Variants in NEBL observed in about 807,000 individuals in gnomAD.
NEBL encodes LIM and SH3 protein 2.
Under a neutral mutation model 140.2 loss-of-function variants are expected in NEBL, and 122 were observed. That is an observed-to-expected ratio of 0.87 (90% confidence interval 0.75 to 1.01). NEBL has a LOEUF of 1.01. Ranked by LOEUF, NEBL falls within the 50% of genes least tolerant of loss-of-function variation. The pLI is 0.00. For synonymous variants in NEBL, 436 were observed against 398.9 expected (o/e 1.09, Z -1.11); for missense variants, 1,365 against 1,231.3 (o/e 1.11, Z -1.62).
At chr10:20,928,474 G>A (rs1471976578) in intron 4 of NEBL, among the ~76,000 whole-genome samples, 1 of 152,184 alleles carries the variant, frequency 6.6e-6, no homozygotes, top group Admixed American at 6.5e-5. Context: ...GACTGGAGAT[G>A]TGCAGAAACA....
At chr10:20,853,028 T>C (rs1176855328) in intron 9 of NEBL, among the ~76,000 whole-genome samples, 2 of 152,082 alleles carry the variant, frequency 1.3e-5, no homozygotes, top group African/African-American at 2.4e-5. Flanking sequence ...ATATGTTTAA[T>C]ACTGTTCAAA....
At chr10:21,275,886 G>A (rs561162304) in intron 1 of NEBL, among the ~76,000 whole-genome samples, 28 of 141,320 alleles carry the variant, frequency 2.0e-4, no homozygotes, top group Non-Finnish European at 3.7e-4. Context: ...TTGAATTCCC[G>A]ACCTCAGGCG....
At chr10:20,897,548 G>A, upstream of NEBL, 2 of 1,063,502 alleles carry the variant, frequency 1.9e-6, no homozygotes, top group Non-Finnish European at 2.3e-6. Context: ...ATTCATAAAA[G>A]AGCATAAAAA....
intron 21 of NEBL, among the ~76,000 whole-genome samples, chr10:20,816,801 G>T (rs1838758189): frequency 6.6e-6 from 1 of 152,282 alleles, no homozygotes; most frequent in Non-Finnish European, 1.5e-5. Context: ...AAAACTGCCA[G>T]CCCCTTATTA....
intron 2 of NEBL, among the ~76,000 whole-genome samples, chr10:21,089,796 A>G (rs1447279308): frequency 6.6e-6 from 1 of 151,856 alleles, no homozygotes; most frequent in East Asian, 1.9e-4. Flanking sequence ...TCCTCTGAAT[A>G]AAAGTCCCCA....
At chr10:21,174,037 G>C in exon 1 of NEBL, 2 of 1,135,074 alleles carry the variant, frequency 1.8e-6, no homozygotes, top group Non-Finnish European at 2.2e-6. Flanking sequence ...CGCGCTCTCG[G>C]GCTCGCAGGC....
intron 3 of NEBL, among the ~76,000 whole-genome samples, chr10:21,241,864 C>T (rs1376137823): frequency 6.6e-6 from 1 of 152,196 alleles, no homozygotes; most frequent in African/African-American, 2.4e-5. Flanking sequence ...CCATTTCTGT[C>T]TTAGTACATC....
At chr10:21,222,035 T>C (rs554099357) in intron 3 of NEBL, among the ~76,000 whole-genome samples, 6 of 152,098 alleles carry the variant, frequency 3.9e-5, no homozygotes, top group African/African-American at 9.6e-5. Flanking sequence ...GAGCCTGTCA[T>C]TGGGCTGCAG....
intron 2 of NEBL, among the ~76,000 whole-genome samples, chr10:21,042,524 G>A (rs1263979594): frequency 1.3e-5 from 2 of 152,194 alleles, no homozygotes; most frequent in African/African-American, 2.4e-5. Flanking sequence ...ATGTTACTAC[G>A]TGGTATTATG....
chr10:21,080,105 C>T (rs11012515), intron 2 of NEBL, among the ~76,000 whole-genome samples: 14,624 of 152,268 alleles, frequency 0.096, 767 homozygotes, highest in Non-Finnish European at 0.12. Flanking sequence ...CATAGAGAGA[C>T]GGTTCTGGTG....
chr10:20,956,204 T>C (rs975534255), intron 4 of NEBL, among the ~76,000 whole-genome samples: 1 of 152,212 alleles, frequency 6.6e-6, no homozygotes, highest in African/African-American at 2.4e-5. Context: ...TTTCCGTACA[T>C]TTCTCACATG....
At chr10:21,106,826 A>AT (rs779874342) in intron 2 of NEBL, among the ~76,000 whole-genome samples, 4 of 152,076 alleles carry the variant, frequency 2.6e-5, no homozygotes, top group Non-Finnish European at 5.9e-5. Flanking sequence ...GAGCATGGAA[A>AT]GTTCTTCCAT....
chr10:21,171,206 A>G (rs1298464270), intron 2 of NEBL, among the ~76,000 whole-genome samples: 2 of 152,042 alleles, frequency 1.3e-5, no homozygotes, highest in Non-Finnish European at 1.5e-5. Flanking sequence ...ATGGTGGCGC[A>G]TGCTTGTAAT....
intron 4 of NEBL, among the ~76,000 whole-genome samples, chr10:20,916,872 G>A (rs996031421): frequency 1.3e-5 from 2 of 152,160 alleles, no homozygotes; most frequent in Non-Finnish European, 2.9e-5. Context: ...GTCCTGCAGT[G>A]TATTGACATG....
intron 2 of NEBL, among the ~76,000 whole-genome samples, chr10:21,139,790 T>G (rs1839528499): frequency 6.6e-6 from 1 of 152,108 alleles, no homozygotes; most frequent in Admixed American, 6.5e-5. Flanking sequence ...CCGAAGTCTA[T>G]GAAAGCCACA....
intron 3 of NEBL, among the ~76,000 whole-genome samples, chr10:20,978,430 CA>C (rs113790766): frequency 0.17 from 23,615 of 134,970 alleles, 3,735 homozygotes; most frequent in African/African-American, 0.44. Context: ...AAAAGCTAAC[CA>C]AAAAAAAAAA....
intron 2 of NEBL, among the ~76,000 whole-genome samples, chr10:21,169,067 AATATATATATATATAT>A (rs1176763018): frequency 0.019 from 430 of 23,088 alleles, 29 homozygotes; most frequent in African/African-American, 0.05. Context: ...AAAAAAAAAA[AATATATATATATATAT>A]ATATATATAT....
At chr10:21,169,536 G>T (rs1247720198) in intron 2 of NEBL, among the ~76,000 whole-genome samples, 1 of 152,120 alleles carries the variant, frequency 6.6e-6, no homozygotes, top group Non-Finnish European at 1.5e-5. Context: ...CAGTTTACAT[G>T]GCAACACGTA....
intron 2 of NEBL, among the ~76,000 whole-genome samples, chr10:21,039,110 A>G (rs1251598634): frequency 1.2e-5 from 1 of 81,452 alleles, no homozygotes; most frequent in Non-Finnish European, 2.2e-5. Flanking sequence ...AGTCCCTTGT[A>G]GATTCTGGAT....
Sources: gnomAD v4.1 joint callset for allele counts (sites outside exome capture counted in the v4.1 genomes callset) on GRCh38, gnomAD v4.1.1 for gene constraint, MANE v1.5 for transcripts, NCBI Gene and HGNC (gene_info 2026-07-23, HGNC 2026-07-21) for gene names.